Variants in DCAF8L2 observed in about 807,000 individuals in gnomAD.
DCAF8L2 encodes the protein DDB1 and CUL4 associated factor 8 like 2.
For synonymous variants in DCAF8L2, 200 were observed against 190.9 expected (o/e 1.05, Z -0.39); for missense variants, 430 against 490.7 (o/e 0.88, Z 1.17).
intron 3 of DCAF8L2, among the ~76,000 whole-genome samples, chrX:27,680,970 T>G (rs1048159765): frequency 1.1e-4 from 12 of 111,907 alleles, no homozygotes; most frequent in African/African-American, 3.6e-4. Flanking sequence ...GGGATAACTT[T>G]GCTGAAGCTT....
chrX:27,473,074 A>G, the DCAF8L2 span, among the ~76,000 whole-genome samples: 8 of 112,186 alleles, frequency 7.1e-5, no homozygotes, highest in African/African-American at 2.6e-4. Context: ...TGTTCCTTGC[A>G]TTCATTGATA....
At chrX:27,543,279 G>T in the DCAF8L2 span, among the ~76,000 whole-genome samples, 1 of 112,057 alleles carries the variant, frequency 8.9e-6, no homozygotes, top group Non-Finnish European at 1.9e-5. Context: ...CTTTGTTGAA[G>T]ATCACATGGT....
In DCAF8L2 at chrX:27,698,760, C is replaced by T. The variant is rs377078097; in HGVS notation, c.-142-17328C>T. Among the ~76,000 whole-genome samples the T allele has an allele frequency of 6.3e-5, 7 of 111,999 alleles. No homozygotes were observed. The East Asian group carries it at 1.1e-3, about 18-fold the overall frequency. ...AAAATGACTTCTTTCTGCTTTATGTCTAGGAAAACTCAAACTCTCAAATGT... is the reference window on the plus strand; with the variant it reads ...AAAATGACTTCTTTCTGCTTTATGTTTAGGAAAACTCAAACTCTCAAATGT... On this transcript the variant is annotated intron_variant, in intron 3 of 4. Coordinates refer to ENST00000451261, the MANE Select transcript of DCAF8L2 (RefSeq NM_001353450.2).
chrX:27,573,059 C>T, the DCAF8L2 span, among the ~76,000 whole-genome samples: 3 of 109,804 alleles, frequency 2.7e-5, no homozygotes, highest in Non-Finnish European at 5.7e-5. Flanking sequence ...TTCCTATGGA[C>T]CCAACTTGAA....
the DCAF8L2 span, among the ~76,000 whole-genome samples, chrX:27,540,645 A>G: frequency 9.0e-6 from 1 of 111,679 alleles, no homozygotes; most frequent in South Asian, 3.8e-4. Flanking sequence ...AATAAGTTCT[A>G]GTGTTCTATA....
intron 2 of DCAF8L2, among the ~76,000 whole-genome samples, chrX:27,651,832 A>G (rs1184983611): frequency 1.8e-5 from 2 of 110,739 alleles, no homozygotes. Flanking sequence ...ATCTATATTA[A>G]TACGATCTTC....
At chrX:27,737,515 A>G (rs1019311843) in intron 4 of DCAF8L2, among the ~76,000 whole-genome samples, 44 of 111,445 alleles carry the variant, frequency 3.9e-4, no homozygotes, top group African/African-American at 1.2e-3. Context: ...TTAGGTGGCT[A>G]TGTGCTGCTC....
chrX:27,518,215 A>G, the DCAF8L2 span: 1 of 875,137 alleles, frequency 1.1e-6, no homozygotes, highest in Non-Finnish European at 1.7e-6. Context: ...TGTCCAAGCC[A>G]AGTATGGAGG....
chrX:27,677,518 A>G, intron 2 of DCAF8L2, among the ~76,000 whole-genome samples: 1 of 111,489 alleles, frequency 9.0e-6, no homozygotes, highest in Non-Finnish European at 1.9e-5. Flanking sequence ...TGAAGAGAAT[A>G]TTGTTCACTA....
At chrX:27,481,433 A>T in the DCAF8L2 span, among the ~76,000 whole-genome samples, 1 of 111,382 alleles carries the variant, frequency 9.0e-6, no homozygotes, top group Middle Eastern at 4.7e-3. Context: ...TTATCATAAG[A>T]ACAATAGGAA....
chrX:27,614,426 G>T (rs752253597), intron 1 of DCAF8L2, among the ~76,000 whole-genome samples: 9 of 110,637 alleles, frequency 8.1e-5, no homozygotes, highest in Middle Eastern at 4.7e-3. Flanking sequence ...TTGATTTTTT[G>T]AAGGGTTTTT....
At chrX:27,533,176 A>G in the DCAF8L2 span, among the ~76,000 whole-genome samples, 1,763 of 13,819 alleles carry the variant, frequency 0.13, 58 homozygotes, top group East Asian at 0.21. Context: ...GAAAGAAAGA[A>G]AGAAAGAAAG....
At chrX:27,667,358 GAGTAAA>G (rs1929778878) in intron 2 of DCAF8L2, among the ~76,000 whole-genome samples, 1 of 111,709 alleles carries the variant, frequency 9.0e-6, no homozygotes, top group Non-Finnish European at 1.9e-5. Flanking sequence ...GAAGTTCAAT[GAGTAAA>G]TATGCAAACC....
chrX:27,739,645 A>G (rs1921739241), intron 4 of DCAF8L2, among the ~76,000 whole-genome samples: 1 of 111,726 alleles, frequency 9.0e-6, no homozygotes, highest in African/African-American at 3.3e-5. Flanking sequence ...ATGTGTATCC[A>G]ATTGCCAACT....
chrX:27,629,102 T>A (rs141673941), intron 1 of DCAF8L2, among the ~76,000 whole-genome samples: 3,592 of 111,837 alleles, frequency 0.032, 68 homozygotes, highest in African/African-American at 0.075. Context: ...ATGAGTTTCT[T>A]ATATATTTTG....
At chrX:27,740,690 G>A (rs887128215) in intron 4 of DCAF8L2, among the ~76,000 whole-genome samples, 1 of 111,187 alleles carries the variant, frequency 9.0e-6, no homozygotes, top group East Asian at 2.8e-4. Flanking sequence ...CACTTTATAA[G>A]GAATGTTCTT....
At chrX:27,575,403 C>T in the DCAF8L2 span, among the ~76,000 whole-genome samples, 3 of 110,994 alleles carry the variant, frequency 2.7e-5, no homozygotes, top group Non-Finnish European at 3.8e-5. Flanking sequence ...CATTTGGGCT[C>T]GAAAGTAGGA....
At chrX:27,581,265 C>T in the DCAF8L2 span, among the ~76,000 whole-genome samples, 1 of 111,945 alleles carries the variant, frequency 8.9e-6, no homozygotes, top group Non-Finnish European at 1.9e-5. Flanking sequence ...TCTTGCTTCT[C>T]ACAGTGCTAA....
chrX:27,541,430 C>T, the DCAF8L2 span, among the ~76,000 whole-genome samples: 10 of 106,618 alleles, frequency 9.4e-5, no homozygotes, highest in East Asian at 2.9e-4. Flanking sequence ...AGTGCAATGG[C>T]GCGATCTCAG....
Sources: gnomAD v4.1 joint callset for allele counts (sites outside exome capture counted in the v4.1 genomes callset) on GRCh38, gnomAD v4.1.1 for gene constraint, MANE v1.5 for transcripts, NCBI Gene and HGNC (gene_info 2026-07-23, HGNC 2026-07-21) for gene names.